SNTG1: variants seen among roughly 807,000 people sequenced by gnomAD.
SNTG1 encodes syntrophin gamma 1, also known as gamma-1-syntrophin.
A neutral mutation model predicts 74.7 loss-of-function variants in SNTG1; 39 were observed. The ratio of observed to expected loss-of-function variants is 0.52; its 90% CI spans 0.40 to 0.68. SNTG1 has a LOEUF of 0.68. Ranked by LOEUF, SNTG1 falls within the 30% of genes least tolerant of loss-of-function variation. The pLI is 0.00. For missense variants in SNTG1, 685 were observed against 609.5 expected, an observed-to-expected ratio of 1.12 and a Z score of -1.30; for synonymous variants, 254 against 217.1, an observed-to-expected ratio of 1.17 and a Z score of -1.49.
At chr8:50,430,022 T>A (rs1169002933) in intron 4 of SNTG1, among the ~76,000 whole-genome samples, 9 of 152,276 alleles carry the variant, frequency 5.9e-5, no homozygotes, top group Non-Finnish European at 1.2e-4. Flanking sequence ...TAAAGTGACA[T>A]GGCCACATTG....
chr8:50,410,945 T>C (rs1447168454), intron 4 of SNTG1, among the ~76,000 whole-genome samples: 1 of 152,194 alleles, frequency 6.6e-6, no homozygotes, highest in Non-Finnish European at 1.5e-5. Flanking sequence ...TTTGACCCAT[T>C]CTAAGTAAAT....
At chr8:50,394,315 G>A (rs750578618) in intron 3 of SNTG1, 50 bp downstream of exon 3, 5 of 1,582,198 alleles carry the variant, frequency 3.2e-6, no homozygotes, top group South Asian at 1.1e-5. Context: ...GAATATAAGC[G>A]GGAAACACTT....
At chr8:50,315,293 C>T (rs1376342616) in intron 2 of SNTG1, among the ~76,000 whole-genome samples, 7 of 149,726 alleles carry the variant, frequency 4.7e-5, no homozygotes, top group Admixed American at 2.7e-4. Context: ...AATATCATTG[C>T]TTTACTGGAG....
rs78444234 is a variant in SNTG1 at position 50,756,361 on chromosome 8, T to A, written c.1395+4250T>A. Among the ~76,000 whole-genome samples the A allele has an allele frequency of 3.1e-3, 473 of 152,034 alleles. 3 individuals are homozygous for A. The highest frequency in any genetic ancestry group is 0.011 in the African/African-American group (452 of 41,554). ...GTCATCTAGACTTTGTACTATGTTA[T>A]CTTCTAGGAGTTTTTAAATTATTGT... On this transcript the variant is annotated intron_variant, in intron 18 of 18. Transcript: ENST00000642720.
At chr8:50,492,814 A>G (rs1371066915) in intron 8 of SNTG1, among the ~76,000 whole-genome samples, 1 of 152,176 alleles carries the variant, frequency 6.6e-6, no homozygotes, top group African/African-American at 2.4e-5. Context: ...GCCCATGCCT[A>G]TGTCCTGAAT....
chr8:50,282,436 T>C (rs1454803097), intron 2 of SNTG1, among the ~76,000 whole-genome samples: 2 of 152,202 alleles, frequency 1.3e-5, no homozygotes, highest in Non-Finnish European at 2.9e-5. Context: ...CACCTATAGA[T>C]ATGGGTAAAT....
intron 1 of SNTG1, among the ~76,000 whole-genome samples, chr8:49,921,312 A>C (rs912564663): frequency 6.6e-6 from 1 of 152,132 alleles, no homozygotes; most frequent in Non-Finnish European, 1.5e-5. Context: ...CATGGTTAAC[A>C]GTGTTGATAC....
chr8:50,211,691 T>A (rs1350914600), intron 2 of SNTG1, among the ~76,000 whole-genome samples: 1 of 152,154 alleles, frequency 6.6e-6, no homozygotes, highest in African/African-American at 2.4e-5. Flanking sequence ...CTTATTTTTT[T>A]AAAAGAGAGA....
At chr8:49,968,651 C>T (rs2129887889) in intron 1 of SNTG1, among the ~76,000 whole-genome samples, 1 of 152,244 alleles carries the variant, frequency 6.6e-6, no homozygotes, top group East Asian at 1.9e-4. Context: ...CTTCAGGATG[C>T]AGGTTATACC....
At chr8:50,228,809 C>G (rs973837236) in intron 2 of SNTG1, among the ~76,000 whole-genome samples, 4 of 151,712 alleles carry the variant, frequency 2.6e-5, no homozygotes, top group Admixed American at 2.0e-4. Context: ...AAGAATATAA[C>G]TCACAAATGC....
chr8:50,717,819 A>T (rs947262271), intron 17 of SNTG1, among the ~76,000 whole-genome samples: 1 of 152,178 alleles, frequency 6.6e-6, no homozygotes, highest in African/African-American at 2.4e-5. Flanking sequence ...TTAGAAAGAG[A>T]TGAACATTTC....
chr8:49,938,498 G>C (rs1296282292), intron 1 of SNTG1, among the ~76,000 whole-genome samples: 3 of 151,662 alleles, frequency 2.0e-5, no homozygotes, highest in African/African-American at 4.8e-5. Context: ...AGTGCCAAAA[G>C]GTGCATTTGT....
At chr8:50,408,203 A>C (rs987237194) in intron 4 of SNTG1, among the ~76,000 whole-genome samples, 1 of 152,218 alleles carries the variant, frequency 6.6e-6, no homozygotes, top group Non-Finnish European at 1.5e-5. Context: ...AGGCAGTTTC[A>C]GTCCCCAGTA....
chr8:50,370,279 G>A (rs956065762), intron 2 of SNTG1, among the ~76,000 whole-genome samples: 1 of 152,242 alleles, frequency 6.6e-6, no homozygotes, highest in Non-Finnish European at 1.5e-5. Context: ...TTAAAAATCA[G>A]GTGCAGAATA....
intron 4 of SNTG1, among the ~76,000 whole-genome samples, chr8:50,429,362 G>A (rs569139997): frequency 2.0e-5 from 3 of 152,212 alleles, no homozygotes; most frequent in South Asian, 2.1e-4. Context: ...TTTTTAGTAA[G>A]AGTACCCAAA....
intron 15 of SNTG1, among the ~76,000 whole-genome samples, chr8:50,703,559 TA>T (rs1310744519): frequency 2.0e-5 from 3 of 152,006 alleles, no homozygotes; most frequent in South Asian, 2.1e-4. Context: ...AGGAGTACAC[TA>T]AAAAAATAGG....
chr8:49,912,522 C>T (rs1007729819), intron 1 of SNTG1, among the ~76,000 whole-genome samples: 3 of 152,052 alleles, frequency 2.0e-5, no homozygotes, highest in African/African-American at 4.8e-5. Flanking sequence ...CTAATGCAAT[C>T]GTTTGGCAAG....
chr8:50,433,235 C>A (rs1454996347), intron 4 of SNTG1, among the ~76,000 whole-genome samples: 2 of 152,096 alleles, frequency 1.3e-5, no homozygotes, highest in Non-Finnish European at 2.9e-5. Context: ...TAATTACTTA[C>A]CACTTCTAGA....
chr8:50,273,781 G>A (rs2087921913), intron 2 of SNTG1, among the ~76,000 whole-genome samples: 1 of 152,168 alleles, frequency 6.6e-6, no homozygotes, highest in Admixed American at 6.5e-5. Context: ...GGACTGGTAT[G>A]TTTGGTAAGG....
Sources: allele counts gnomAD v4.1 joint callset (sites outside exome capture counted in the v4.1 genomes callset), GRCh38; gene constraint gnomAD v4.1.1; transcripts MANE v1.5; gene names NCBI Gene and HGNC (gene_info 2026-07-23, HGNC 2026-07-21).